CRACD: variants seen among roughly 807,000 people sequenced by gnomAD.
The protein encoded by CRACD is capping protein inhibiting regulator of actin dynamics.
A neutral mutation model predicts 106.8 loss-of-function variants in CRACD; 56 were observed. That is an observed-to-expected ratio of 0.52 (90% CI 0.42 to 0.66). The LOEUF (loss-of-function observed/expected upper bound fraction) is 0.66. Among genes scored for constraint, CRACD ranks in the 30% least tolerant of loss-of-function variants. The pLI is 0.00. For synonymous variants in CRACD, 754 were observed against 670.8 expected, an observed-to-expected ratio of 1.12 and a Z score of -1.92; for missense variants, 1,730 against 1,623.2, an observed-to-expected ratio of 1.07 and a Z score of -1.13.
chr4:56,261,533 A>G (rs573181965), intron 2 of CRACD, among the ~76,000 whole-genome samples: 1 of 151,986 alleles, frequency 6.6e-6, no homozygotes, highest in South Asian at 2.1e-4. Flanking sequence ...GTGTTTTTAT[A>G]GAAATGGGGT....
intron 1 of CRACD, among the ~76,000 whole-genome samples, chr4:56,081,201 G>T (rs888902560): frequency 1.3e-4 from 20 of 152,196 alleles, no homozygotes; most frequent in Admixed American, 1.2e-3. Flanking sequence ...CAATTTGCAC[G>T]TAGTACTACT....
intron 1 of CRACD, among the ~76,000 whole-genome samples, chr4:56,092,570 T>C (rs779037419): frequency 1.3e-5 from 2 of 152,152 alleles, no homozygotes; most frequent in South Asian, 4.1e-4. Flanking sequence ...TCAAAATACA[T>C]TTCACTGGCT....
chr4:56,324,048 T>C lies in CRACD; in HGVS notation c.3379-56T>C. 10 of 1,545,088 alleles carry C rather than the reference T, an allele frequency of 6.5e-6. No homozygotes were observed. In the South Asian group the frequency reaches 1.3e-4, roughly 19 times the overall value. Reference sequence around the variant, plus strand: ...AGGCCCCGAAGGCCTGCAGGGTCAGTCTTTCCATGTCTTAGGTTGAAAACA... The same window carrying C: ...AGGCCCCGAAGGCCTGCAGGGTCAGCCTTTCCATGTCTTAGGTTGAAAACA... On this transcript the variant is annotated intron_variant, in intron 9 of 10. Coordinates refer to ENST00000682029, the MANE Select transcript of CRACD (RefSeq NM_001393381.1).
At chr4:56,096,639 A>G (rs1199654413) in intron 1 of CRACD, among the ~76,000 whole-genome samples, 1 of 151,964 alleles carries the variant, frequency 6.6e-6, no homozygotes, top group Non-Finnish European at 1.5e-5. Context: ...CTTAAAAAAA[A>G]AAAGAGAATA....
intron 3 of CRACD, among the ~76,000 whole-genome samples, chr4:56,282,139 G>C (rs117428594): frequency 6.6e-6 from 1 of 152,172 alleles, no homozygotes; most frequent in African/African-American, 2.4e-5. Flanking sequence ...TGTTTAGGAA[G>C]AAAACTGCTG....
intron 8 of CRACD, among the ~76,000 whole-genome samples, chr4:56,318,084 G>T (rs1179856001): frequency 6.6e-6 from 1 of 152,126 alleles, no homozygotes; most frequent in African/African-American, 2.4e-5. Context: ...GCAGAGGAAT[G>T]ATTTGTTTCC....
rs369596531 is a variant in CRACD, at chr4:56,168,367, G to T, written c.-335-10917G>T. On this transcript the variant is annotated intron_variant, in intron 1 of 10. Transcript: ENST00000682029. ...TTGTAAATTACACTGATTGTGAACC[G>T]ACCTTGCATTCCTGGGATAAGCATC... is the stretch of plus-strand genomic sequence containing the variant. Among the ~76,000 whole-genome samples the T allele has an allele frequency of 2.6e-5, 4 of 151,946 alleles. No individual in the cohort carries two copies. In the South Asian group the frequency reaches 8.3e-4, roughly 32 times the overall value.
chr4:56,219,077 A>G (rs1177536710), intron 2 of CRACD, among the ~76,000 whole-genome samples: 1 of 152,084 alleles, frequency 6.6e-6, no homozygotes, highest in Admixed American at 6.5e-5. Flanking sequence ...TTGAAGATGG[A>G]CTCATCTAAT....
chr4:56,182,077 C>G (rs1339877754), intron 2 of CRACD, among the ~76,000 whole-genome samples: 3 of 152,086 alleles, frequency 2.0e-5, no homozygotes, highest in Non-Finnish European at 2.9e-5. Flanking sequence ...AGATCAGAGT[C>G]AGTAATCAAA....
intron 1 of CRACD, among the ~76,000 whole-genome samples, chr4:56,128,769 C>T (rs958070898): frequency 6.6e-6 from 1 of 152,044 alleles, no homozygotes; most frequent in South Asian, 2.1e-4. Context: ...TCTGAACCTC[C>T]CGCATAAAAT....
rs1002351513 is a variant in CRACD at position 56,315,143 on chromosome 4, G to T, written c.1641G>T (p.Gln547His). 8.1e-6 allele frequency: 13 copies of T among 1,608,130 alleles called. No individual in the cohort carries two copies. The highest frequency in any genetic ancestry group is 8.5e-6 in the Non-Finnish European group (10 of 1,177,950). The part of the protein sequence containing the change: ...YTFQVSSGGK[Q>H]ILFPKVNLSP... ...TCCAGGTGTCCTCCGGAGGGAAGCAGATTCTCTTTCCCAAAGTCAACCTGA... is the reference window on the plus strand; with the variant it reads ...TCCAGGTGTCCTCCGGAGGGAAGCATATTCTCTTTCCCAAAGTCAACCTGA... The change falls in exon 8 of 11, where the codon CAG becomes CAT. Residue 547 changes from glutamine (Q) to histidine (H), a missense_variant. Gln to His is a conservative substitution (Grantham distance 24, BLOSUM62 0). Coordinates refer to ENST00000682029, the MANE Select transcript of CRACD (RefSeq NM_001393381.1). The surrounding 1 kb of genome is among the most constrained non-coding windows in gnomAD (Gnocchi z 4.1).
Position 56,315,900 on chromosome 4 carries a change from G to A in CRACD, c.2398G>A (p.Val800Ile). The A allele has an allele frequency of 6.2e-7, 1 of 1,614,158 alleles. No homozygotes were observed. Among genetic ancestry groups the A allele is most frequent in the Non-Finnish European group, 8.5e-7 (1 of 1,180,030 alleles). The change falls in exon 8 of 11, where the codon GTC (valine) becomes ATC (isoleucine). Residue 800 changes from valine (V) to isoleucine (I), a missense_variant. Physicochemically the swap from Val to Ile is conservative, Grantham distance 29 (BLOSUM62 3). This residue lies in a region of CRACD where 1,620 missense variants were observed against 1,481.6 expected (regional missense o/e 1.09). Transcript: ENST00000682029. The surrounding 1 kb of genome is among the most constrained non-coding windows in gnomAD (Gnocchi z 4.1). ...KFAKDLPSFL[V>I]PSLPYPPQKV... ...TGCCAAAGACCTCCCGTCTTTCCTT[G>A]TCCCAAGCCTTCCTTACCCTCCGCA... is the stretch of plus-strand genomic sequence containing the variant.
intron 2 of CRACD, among the ~76,000 whole-genome samples, chr4:56,239,534 C>T (rs141881721): frequency 4.6e-5 from 7 of 152,030 alleles, no homozygotes; most frequent in African/African-American, 7.2e-5. Flanking sequence ...AAGAATGATA[C>T]AGAGAGCCAT....
At chr4:56,155,248 G>A (rs1032249356) in intron 1 of CRACD, among the ~76,000 whole-genome samples, 1 of 152,162 alleles carries the variant, frequency 6.6e-6, no homozygotes, top group Admixed American at 6.5e-5. Context: ...AAAAGAGAGA[G>A]TCAGTGGACA....
At chr4:56,268,410 G>T (rs1376598198) in intron 2 of CRACD, among the ~76,000 whole-genome samples, 1 of 151,836 alleles carries the variant, frequency 6.6e-6, no homozygotes, top group Non-Finnish European at 1.5e-5. Context: ...GAATGTTTCT[G>T]ATTAGAAATT....
In CRACD at chr4:56,315,129, T is replaced by C. The variant is rs569509250; in HGVS notation, c.1627T>C (p.Ser543Pro). 1.4e-5 allele frequency: 23 copies of C among 1,609,968 alleles called. No individual in the cohort carries two copies. Among genetic ancestry groups the C allele is most frequent in the Non-Finnish European group, 1.7e-5 (20 of 1,178,740 alleles). The part of the protein sequence containing the change: ...MPRPYTFQVS[S>P]GGKQILFPKV... The stretch of plus-strand genomic sequence containing the variant: ...CCGGCCCTACACGTTCCAGGTGTCC[T>C]CCGGAGGGAAGCAGATTCTCTTTCC... The change falls in exon 8 of 11, where the codon TCC becomes CCC. Residue 543 changes from serine to proline, a missense_variant. Ser to Pro is a moderately conservative substitution (Grantham distance 74). Around this residue, in one of 5 missense-constraint regions of CRACD, gnomAD observed 1,620 missense variants for 1,481.6 expected, o/e 1.09. Coordinates refer to ENST00000682029, the MANE Select transcript of CRACD (RefSeq NM_001393381.1). This position sits in a 1 kb window ranked among gnomAD's most constrained non-coding sequence, Gnocchi z 4.1.
intron 1 of CRACD, among the ~76,000 whole-genome samples, chr4:56,163,051 G>T (rs1736012624): frequency 6.6e-6 from 1 of 152,138 alleles, no homozygotes; most frequent in Non-Finnish European, 1.5e-5. Flanking sequence ...TGACCAATGG[G>T]CTGTAATTTG....
chr4:56,148,282 TA>T (rs35842210), intron 1 of CRACD, among the ~76,000 whole-genome samples: 270 of 85,780 alleles, frequency 3.1e-3, no homozygotes, highest in Non-Finnish European at 3.5e-3. Context: ...GTTTTTTTTT[TA>T]AAAAAAAAAA....
intron 4 of CRACD, among the ~76,000 whole-genome samples, chr4:56,303,975 C>G (rs1303662391): frequency 2.0e-5 from 3 of 152,190 alleles, no homozygotes. Flanking sequence ...AAGTCAATTT[C>G]TTTACTAAGA....
Sources: allele counts gnomAD v4.1 joint callset (sites outside exome capture counted in the v4.1 genomes callset), GRCh38; gene constraint gnomAD v4.1.1; regional missense constraint gnomAD v4.1.1; non-coding constraint Gnocchi (gnomAD v3.1); transcripts MANE v1.5; gene names NCBI Gene and HGNC (gene_info 2026-07-23, HGNC 2026-07-21).